The following ASTN2 variants were observed in gnomAD, a reference collection of about 807,000 sequenced individuals.
The protein encoded by ASTN2 is astrotactin-2.
ASTN2 carries 54 observed loss-of-function variants against 139.8 expected under a neutral mutation model. That is an observed-to-expected ratio of 0.39 (90% CI 0.31 to 0.48). ASTN2 has a LOEUF of 0.48. Among genes scored for constraint, ASTN2 ranks in the 20% least tolerant of loss-of-function variants. ASTN2 has a pLI of 0.95. For missense variants in ASTN2, 1,565 were observed against 1,725.1 expected (o/e 0.91, Z 1.64); for synonymous variants, 756 against 719.5 (o/e 1.05, Z -0.81).
chr9:116,959,132 C>T (rs1443694431), intron 10 of ASTN2, among the ~76,000 whole-genome samples: 1 of 152,080 alleles, frequency 6.6e-6, no homozygotes, highest in African/African-American at 2.4e-5. Context: ...TGAGTGTGAC[C>T]ACTGGGAGAT....
intron 20 of ASTN2, among the ~76,000 whole-genome samples, chr9:116,480,165 G>A (rs531760675): frequency 6.6e-6 from 1 of 151,998 alleles, no homozygotes; most frequent in South Asian, 2.1e-4. Flanking sequence ...GGAAAGGAAG[G>A]AAGGAAGGGA....
intron 6 of ASTN2, among the ~76,000 whole-genome samples, chr9:117,024,977 G>A (rs1838016091): frequency 1.3e-5 from 2 of 152,100 alleles, no homozygotes; most frequent in South Asian, 4.2e-4. Flanking sequence ...CTGCCACCAT[G>A]TAAGATGTGA....
At chr9:116,997,750 G>T (rs1837066482) in intron 7 of ASTN2, among the ~76,000 whole-genome samples, 1 of 152,128 alleles carries the variant, frequency 6.6e-6, no homozygotes, top group Non-Finnish European at 1.5e-5. Context: ...ACCTAGAAGT[G>T]TTATTATAAT....
At chr9:116,995,032 C>T (rs957984594) in intron 7 of ASTN2, among the ~76,000 whole-genome samples, 1 of 151,428 alleles carries the variant, frequency 6.6e-6, no homozygotes, top group Non-Finnish European at 1.5e-5. Context: ...AGCAAAGTGT[C>T]CAAACTTGTG....
chr9:117,403,355 C>T (rs998363672), intron 1 of ASTN2, among the ~76,000 whole-genome samples: 4 of 152,170 alleles, frequency 2.6e-5, no homozygotes, highest in South Asian at 4.1e-4. Context: ...GTGCAGCCTC[C>T]CATGGGGACC....
intron 1 of ASTN2, among the ~76,000 whole-genome samples, chr9:117,396,073 C>T (rs1209055592): frequency 6.6e-6 from 1 of 152,120 alleles, no homozygotes; most frequent in African/African-American, 2.4e-5. Context: ...AGCATGAGGA[C>T]ATCAATGGCA....
intron 7 of ASTN2, among the ~76,000 whole-genome samples, chr9:116,977,777 C>T (rs1425665746): frequency 4.9e-5 from 7 of 143,820 alleles, no homozygotes; most frequent in Admixed American, 3.7e-4. Context: ...AGTGCAGTGA[C>T]GTGATCTCGG....
intron 3 of ASTN2, among the ~76,000 whole-genome samples, chr9:117,169,305 T>TCTG (rs1401056667): frequency 1.3e-5 from 2 of 152,124 alleles, no homozygotes; most frequent in East Asian, 3.9e-4. Flanking sequence ...TCCAAATGCC[T>TCTG]CTGTTTGCTG....
intron 10 of ASTN2, among the ~76,000 whole-genome samples, chr9:116,910,992 C>T (rs1209705350): frequency 6.6e-6 from 1 of 152,124 alleles, no homozygotes; most frequent in Non-Finnish European, 1.5e-5. Context: ...GAGGTACCTG[C>T]CTTATAACAG....
At chr9:116,879,666 C>A (rs1314506444) in intron 10 of ASTN2, among the ~76,000 whole-genome samples, 1 of 152,190 alleles carries the variant, frequency 6.6e-6, no homozygotes, top group Admixed American at 6.5e-5. Context: ...ACTGTGCAGG[C>A]AACCCAATTT....
chr9:116,452,704 A>G (rs1848211309), intron 20 of ASTN2, among the ~76,000 whole-genome samples: 1 of 152,232 alleles, frequency 6.6e-6, no homozygotes, highest in Admixed American at 6.5e-5. Context: ...GCCAGGCCCC[A>G]ACATAGGTCT....
At chr9:117,016,633 TA>T (rs1837699211) in intron 6 of ASTN2, among the ~76,000 whole-genome samples, 1 of 18,768 alleles carries the variant, frequency 5.3e-5, no homozygotes, top group African/African-American at 1.8e-4. Context: ...TCTATATATA[TA>T]TATATATATA....
At chr9:117,202,162 C>A (rs145983103) in intron 3 of ASTN2, among the ~76,000 whole-genome samples, 314 of 152,224 alleles carry the variant, frequency 2.1e-3, no homozygotes, top group Middle Eastern at 0.014. Context: ...GGATTGCAAT[C>A]CCTGCCTTTT....
intron 10 of ASTN2, among the ~76,000 whole-genome samples, chr9:116,875,755 C>G (rs978628409): frequency 6.6e-6 from 1 of 152,160 alleles, no homozygotes; most frequent in South Asian, 2.1e-4. Context: ...AGCCCTAGGG[C>G]CTTTAAGAAT....
intron 10 of ASTN2, among the ~76,000 whole-genome samples, chr9:116,956,390 C>T (rs890896990): frequency 6.7e-6 from 1 of 148,868 alleles, no homozygotes; most frequent in Non-Finnish European, 1.5e-5. Flanking sequence ...TGAGACACTG[C>T]GCCCAGCCAA....
At chr9:116,611,765 CTTCT>C (rs1855550869) in intron 19 of ASTN2, 2 of 152,010 alleles carry the variant, frequency 1.3e-5, no homozygotes. Flanking sequence ...AGTTAAAAAC[CTTCT>C]TGCAAGAAAA....
At chr9:117,193,703 A>T (rs10759906) in intron 3 of ASTN2, among the ~76,000 whole-genome samples, 3 of 150,900 alleles carry the variant, frequency 2.0e-5, no homozygotes, top group Non-Finnish European at 4.4e-5. Context: ...TTTTCATCCT[A>T]GAGGGCCTAT....
At chr9:117,171,957 T>A (rs1452705139) in intron 3 of ASTN2, among the ~76,000 whole-genome samples, 1 of 152,118 alleles carries the variant, frequency 6.6e-6, no homozygotes, top group African/African-American at 2.4e-5. Context: ...TAAAAAAAAT[T>A]ATCAATACTT....
intron 3 of ASTN2, among the ~76,000 whole-genome samples, chr9:117,205,073 T>C (rs1472180438): frequency 6.6e-6 from 1 of 152,136 alleles, no homozygotes; most frequent in Non-Finnish European, 1.5e-5. Flanking sequence ...TGTTGTAAGA[T>C]GAGAAATCAC....
Sources: gnomAD v4.1 joint callset for allele counts (sites outside exome capture counted in the v4.1 genomes callset) on GRCh38, gnomAD v4.1.1 for gene constraint, MANE v1.5 for transcripts, NCBI Gene and HGNC (gene_info 2026-07-23, HGNC 2026-07-21) for gene names.